PIP5K1A: variants seen among roughly 807,000 people sequenced by gnomAD.
PIP5K1A encodes the protein phosphatidylinositol-4-phosphate 5-kinase type 1 alpha.
A neutral mutation model predicts 72.9 loss-of-function variants in PIP5K1A; 46 were observed. That is an observed-to-expected ratio of 0.63 (90% CI 0.50 to 0.81). The LOEUF (loss-of-function observed/expected upper bound fraction) is 0.81. Among genes scored for constraint, PIP5K1A ranks in the 30% least tolerant of loss-of-function variants. PIP5K1A has a pLI of 0.00. For synonymous variants in PIP5K1A, 228 were observed against 255.1 expected (o/e 0.89, Z 1.01); for missense variants, 458 against 706.1 (o/e 0.65, Z 3.98).
intron 4 of PIP5K1A, among the ~76,000 whole-genome samples, chr1:151,230,402 G>T (rs1315546267): frequency 6.6e-6 from 1 of 152,188 alleles, no homozygotes; most frequent in Non-Finnish European, 1.5e-5. Context: ...ACTTTCCCAC[G>T]GGCTTGGAAT....
chr1:151,220,472 GC>G (rs1310732554), intron 1 of PIP5K1A, among the ~76,000 whole-genome samples: 2 of 150,868 alleles, frequency 1.3e-5, no homozygotes, highest in African/African-American at 4.9e-5. Context: ...TTACCACCTA[GC>G]TTTTTTTTTT....
intron 1 of PIP5K1A, among the ~76,000 whole-genome samples, chr1:151,204,978 G>T (rs940175307): frequency 3.9e-5 from 6 of 152,064 alleles, no homozygotes; most frequent in African/African-American, 1.4e-4. Flanking sequence ...AAACTCTTCT[G>T]ATTAATACCT....
chr1:151,215,067 G>A (rs1036292169), intron 1 of PIP5K1A, among the ~76,000 whole-genome samples: 4 of 129,558 alleles, frequency 3.1e-5, no homozygotes, highest in South Asian at 4.7e-4. Flanking sequence ...TTTTGCTCTC[G>A]TTGCCCAGGC....
At chr1:151,206,896 G>A (rs1686013051) in intron 1 of PIP5K1A, among the ~76,000 whole-genome samples, 1 of 150,766 alleles carries the variant, frequency 6.6e-6, no homozygotes, top group Admixed American at 6.7e-5. Flanking sequence ...ACGGGGTTTC[G>A]CCATGTTCGC....
intron 4 of PIP5K1A, among the ~76,000 whole-genome samples, chr1:151,229,124 C>T (rs1322774336): frequency 3.7e-5 from 5 of 136,078 alleles, no homozygotes; most frequent in South Asian, 4.7e-4. Context: ...GCCGAGGTCG[C>T]GCCATTGCAC....
intron 1 of PIP5K1A, among the ~76,000 whole-genome samples, chr1:151,222,772 T>C (rs923096880): frequency 6.6e-6 from 1 of 152,166 alleles, no homozygotes; most frequent in African/African-American, 2.4e-5. Context: ...CCATAGTTGC[T>C]AGTGTTGCAC....
intron 1 of PIP5K1A, among the ~76,000 whole-genome samples, chr1:151,215,381 G>A (rs1244815969): frequency 2.0e-5 from 3 of 146,360 alleles, no homozygotes; most frequent in Non-Finnish European, 4.5e-5. Context: ...CATCCAGCCT[G>A]GAGTGCAAAG....
At chr1:151,197,096 A>G (rs1684620165), upstream of PIP5K1A, among the ~76,000 whole-genome samples, 1 of 150,562 alleles carries the variant, frequency 6.6e-6, no homozygotes, top group Non-Finnish European at 1.5e-5. Context: ...TCCTGAGCTC[A>G]GATGATCCAC....
intron 1 of PIP5K1A, among the ~76,000 whole-genome samples, chr1:151,215,293 C>G (rs907945911): frequency 1.3e-5 from 2 of 151,756 alleles, no homozygotes; most frequent in Admixed American, 1.3e-4. Context: ...CCGCCTTGGC[C>G]TCCCAAAGTG....
At chr1:151,239,242 T>C in intron 11 of PIP5K1A, 64 bp downstream of exon 11, 1 of 1,036,562 alleles carries the variant, frequency 9.6e-7, no homozygotes, top group East Asian at 2.5e-5. Context: ...CTGATTGGCC[T>C]CAGTTTCTTG....
intron 4 of PIP5K1A, among the ~76,000 whole-genome samples, chr1:151,229,603 T>C (rs1338789728): frequency 6.6e-6 from 1 of 151,340 alleles, no homozygotes; most frequent in Non-Finnish European, 1.5e-5. Context: ...TCAGGTAATC[T>C]GCCTGTCTCG....
intron 5 of PIP5K1A, 119 bp downstream of exon 5, chr1:151,231,920 T>A: frequency 2.2e-6 from 2 of 923,372 alleles, no homozygotes. Context: ...TTAACCTGGT[T>A]ACAATCAGGG....
At position 151,242,283 on chromosome 1, in the gene PIP5K1A, C is replaced by G; in HGVS notation, c.1510+14C>G. ...AAGTGGAGCCAGGTCAGCGCTAGGG[C>G]TGGGGTCCCCATGTGATTGGGTACT... On this transcript the variant is annotated intron_variant, in intron 13 of 15. Transcript: ENST00000368888. 2 of 1,613,932 alleles carry G rather than the reference C, an allele frequency of 1.2e-6. No individual in the cohort carries two copies. Among genetic ancestry groups the G allele is most frequent in the Non-Finnish European group, 1.7e-6 (2 of 1,179,814 alleles).
intron 3 of PIP5K1A, among the ~76,000 whole-genome samples, chr1:151,227,015 G>A (rs1193652289): frequency 2.6e-5 from 4 of 152,146 alleles, no homozygotes; most frequent in Non-Finnish European, 4.4e-5. Flanking sequence ...CAACAAGAGC[G>A]AGACTCTGTT....
chr1:151,238,370 A>T (rs750630995), intron 10 of PIP5K1A, 105 bp downstream of exon 10: 6 of 764,784 alleles, frequency 7.8e-6, no homozygotes, highest in Non-Finnish European at 1.4e-5. Context: ...AAGCAAGAAC[A>T]GTGAGTTGCA....
chr1:151,196,383 TA>T (rs1684556517), upstream of PIP5K1A, among the ~76,000 whole-genome samples: 1 of 152,090 alleles, frequency 6.6e-6, no homozygotes, highest in South Asian at 2.1e-4. Context: ...CAGGGAATTA[TA>T]AAATACTTCA....
chr1:151,216,141 G>A, intron 1 of PIP5K1A: 1 of 435,448 alleles, frequency 2.3e-6, no homozygotes, highest in Non-Finnish European at 4.7e-6. Flanking sequence ...GAGGTCAGGA[G>A]ATCGAGACCA....
chr1:151,230,965 G>A lies in PIP5K1A; in HGVS notation c.238-706G>A, dbSNP rs926331782. Among the ~76,000 whole-genome samples the A allele has an allele frequency of 4.6e-5, 7 of 152,286 alleles. No homozygotes were observed. The South Asian group carries it at 1.0e-3, about 23-fold the overall frequency. ...GGGCTGGGCATGGTGGCTCATGCCC[G>A]TAATCCCAGAGCTTTGGGAGTTCTG... is the stretch of plus-strand genomic sequence containing the variant. On this transcript the variant is annotated intron_variant, in intron 4 of 15. Transcript: ENST00000368888.
In PIP5K1A at chr1:151,211,611, A is replaced by G. The variant is rs1224752256; in HGVS notation, c.85+12530A>G. Reference sequence around the variant, plus strand: ...GGAGATCGAGACCATCCTGGCTAACATGGTGAAACCCCGTCTCTACTAAAA... The same window carrying G: ...GGAGATCGAGACCATCCTGGCTAACGTGGTGAAACCCCGTCTCTACTAAAA... On this transcript the variant is annotated intron_variant, in intron 1 of 15. Coordinates refer to ENST00000368888, the MANE Select transcript of PIP5K1A (RefSeq NM_001135638.2). Among the ~76,000 whole-genome samples, 720 of 136,088 alleles carry G rather than the reference A, an allele frequency of 5.3e-3. No homozygotes were observed. In the Middle Eastern group the frequency reaches 0.11, roughly 21 times the overall value. The allele number at this position is 136,088 out of a possible 152,430, so 89.3% of individuals were successfully genotyped here. A position where few individuals can be genotyped will look rare whatever the true frequency, so the allele number is the denominator to read the frequency against.
Sources: allele counts gnomAD v4.1 joint callset (sites outside exome capture counted in the v4.1 genomes callset), GRCh38; gene constraint gnomAD v4.1.1; transcripts MANE v1.5; gene names NCBI Gene and HGNC (gene_info 2026-07-23, HGNC 2026-07-21).